THEMIS: variants seen among roughly 807,000 people sequenced by gnomAD.
The protein encoded by THEMIS is thymocyte selection associated.
Under a neutral mutation model 52.6 loss-of-function variants are expected in THEMIS, and 37 were observed. The ratio of observed to expected loss-of-function variants is 0.70; its 90% CI spans 0.54 to 0.93. The LOEUF (loss-of-function observed/expected upper bound fraction) is 0.93, where lower values mean the gene tolerates loss of function less well. THEMIS is among the 40% of genes least tolerant of loss of function. The probability of loss-of-function intolerance (pLI) is 0.00; values close to 1 mark genes in which losing one functional copy is unlikely to be tolerated. For missense variants in THEMIS, 808 were observed against 763.1 expected, an observed-to-expected ratio of 1.06 and a Z score of -0.69; for synonymous variants, 292 against 272.7, an observed-to-expected ratio of 1.07 and a Z score of -0.70.
intron 4 of THEMIS, among the ~76,000 whole-genome samples, chr6:127,723,091 T>C (rs1774419360): frequency 6.6e-6 from 1 of 151,916 alleles, no homozygotes; most frequent in African/African-American, 2.4e-5. Context: ...TCCAGCCAAA[T>C]CTCCTTCTCC....
chr6:127,850,494 C>T (rs1779382709), intron 2 of THEMIS, among the ~76,000 whole-genome samples: 1 of 151,808 alleles, frequency 6.6e-6, no homozygotes, highest in South Asian at 2.1e-4. Flanking sequence ...CCTAACTGTC[C>T]ATCAACCAAC....
intron 1 of THEMIS, among the ~76,000 whole-genome samples, chr6:127,899,058 A>G (rs886638582): frequency 6.6e-6 from 1 of 151,990 alleles, no homozygotes; most frequent in South Asian, 2.1e-4. Context: ...TGGTAGTACA[A>G]TAGGGTGACT....
At chr6:127,817,821 G>A (rs1199408669) in intron 3 of THEMIS, among the ~76,000 whole-genome samples, 1 of 152,106 alleles carries the variant, frequency 6.6e-6, no homozygotes, top group African/African-American at 2.4e-5. Context: ...AAACTCCTAG[G>A]GTTGGGGAGT....
At chr6:127,872,679 A>G (rs1402747097) in intron 1 of THEMIS, among the ~76,000 whole-genome samples, 1 of 152,186 alleles carries the variant, frequency 6.6e-6, no homozygotes, top group Non-Finnish European at 1.5e-5. Flanking sequence ...TACAGATAAA[A>G]TTATACTTGG....
chr6:127,813,789 C>A lies in THEMIS; in HGVS notation c.852G>T (p.Val284=). The A allele has an allele frequency of 6.2e-7, 1 of 1,613,986 alleles. No individual in the cohort carries two copies. Among genetic ancestry groups the A allele is most frequent in the South Asian group, 1.1e-5 (1 of 91,058 alleles). The part of the protein sequence containing the change: ...FEMTSKEFPI[V]TEVIEAPEGN... ...CTTCAGGTGCTTCTATGACTTCAGT[C>A]ACTATGGGGAACTCTTTACTAGTCA... is the stretch of plus-strand genomic sequence containing the variant. Residue 284 remains valine, a synonymous_variant, in exon 4 of 6, where the codon GTG becomes GTT. Transcript: ENST00000368248.
At chr6:127,901,511 C>G (rs1047606340), upstream of THEMIS, among the ~76,000 whole-genome samples, 1 of 152,120 alleles carries the variant, frequency 6.6e-6, no homozygotes, top group Admixed American at 6.6e-5. Context: ...TGATACTATA[C>G]TCTGGAGAGA....
chr6:127,862,347 T>C (rs955661717), intron 1 of THEMIS, among the ~76,000 whole-genome samples: 8 of 151,816 alleles, frequency 5.3e-5, no homozygotes, highest in Admixed American at 2.6e-4. Flanking sequence ...CTGATCCTAA[T>C]TGACCATGGA....
intron 1 of THEMIS, among the ~76,000 whole-genome samples, chr6:127,889,425 G>T (rs2114463690): frequency 6.6e-6 from 1 of 152,146 alleles, no homozygotes. Flanking sequence ...TTTATCTATG[G>T]CATATGTCAT....
At chr6:127,891,397 C>A (rs181018014) in intron 1 of THEMIS, among the ~76,000 whole-genome samples, 3 of 151,686 alleles carry the variant, frequency 2.0e-5, no homozygotes, top group Non-Finnish European at 4.4e-5. Context: ...TTAACCAGGC[C>A]TGGTGGCGGG....
intron 1 of THEMIS, among the ~76,000 whole-genome samples, chr6:127,869,455 C>G (rs1423116101): frequency 6.6e-6 from 1 of 152,186 alleles, no homozygotes; most frequent in African/African-American, 2.4e-5. Context: ...TATCACACTA[C>G]ATATTGTGGG....
At chr6:127,697,940 C>G in the THEMIS span, among the ~76,000 whole-genome samples, 1 of 152,122 alleles carries the variant, frequency 6.6e-6, no homozygotes, top group African/African-American at 2.4e-5. Context: ...CAAGTTACTC[C>G]TCCATGTATA....
At chr6:127,809,270 G>T (rs1268951067) in intron 4 of THEMIS, among the ~76,000 whole-genome samples, 1 of 151,958 alleles carries the variant, frequency 6.6e-6, no homozygotes, top group Non-Finnish European at 1.5e-5. Flanking sequence ...TTCTTCAAAA[G>T]CACACATGAT....
chr6:127,864,306 C>T (rs1355225931), intron 1 of THEMIS, among the ~76,000 whole-genome samples: 1 of 151,734 alleles, frequency 6.6e-6, no homozygotes, highest in Non-Finnish European at 1.5e-5. Flanking sequence ...GTTTTACTTC[C>T]AAAATCTACT....
At chr6:127,831,557 T>A (rs2114666630) in intron 2 of THEMIS, among the ~76,000 whole-genome samples, 1 of 152,286 alleles carries the variant, frequency 6.6e-6, no homozygotes, top group Non-Finnish European at 1.5e-5. Context: ...CAAATCATTT[T>A]TAGCCAATTA....
At chr6:127,811,684 G>T (rs1168556599) in intron 4 of THEMIS, among the ~76,000 whole-genome samples, 1 of 152,050 alleles carries the variant, frequency 6.6e-6, no homozygotes, top group Non-Finnish European at 1.5e-5. Flanking sequence ...AAAACACAAA[G>T]AAGACATTTC....
chr6:127,796,287 G>A (rs1017280808), intron 4 of THEMIS, among the ~76,000 whole-genome samples: 5 of 152,180 alleles, frequency 3.3e-5, no homozygotes, highest in South Asian at 2.1e-4. Context: ...AGAGTTAAGG[G>A]CCATCAGAAA....
At chr6:127,699,785 C>G in the THEMIS span, among the ~76,000 whole-genome samples, 1 of 151,792 alleles carries the variant, frequency 6.6e-6, no homozygotes, top group Non-Finnish European at 1.5e-5. Flanking sequence ...ATCTTTACAA[C>G]CATGCCTCCT....
chr6:127,804,181 C>CA (rs1014638150), intron 4 of THEMIS, among the ~76,000 whole-genome samples: 1 of 151,728 alleles, frequency 6.6e-6, no homozygotes, highest in Admixed American at 6.6e-5. Context: ...GAAGAGCTAC[C>CA]AAAAAAGATG....
At chr6:127,836,300 CAT>C (rs1277743658) in intron 2 of THEMIS, among the ~76,000 whole-genome samples, 1 of 152,060 alleles carries the variant, frequency 6.6e-6, no homozygotes, top group Non-Finnish European at 1.5e-5. Context: ...TGTAAAGCCC[CAT>C]ATGTTTCTCT....
Sources: gnomAD v4.1 joint callset for allele counts (sites outside exome capture counted in the v4.1 genomes callset) on GRCh38, gnomAD v4.1.1 for gene constraint, MANE v1.5 for transcripts, NCBI Gene and HGNC (gene_info 2026-07-23, HGNC 2026-07-21) for gene names.